COG6: variants seen among roughly 807,000 people sequenced by gnomAD.
The protein encoded by COG6 is component of oligomeric golgi complex 6.
COG6 carries 74 observed loss-of-function variants against 88.8 expected under a neutral mutation model. The ratio of observed to expected loss-of-function variants is 0.83; its 90% CI spans 0.69 to 1.01. COG6 has a LOEUF of 1.01. Ranked by LOEUF, COG6 falls within the 50% of genes least tolerant of loss-of-function variation. COG6 has a pLI of 0.00. For synonymous variants in COG6, 286 were observed against 278.7 expected, an observed-to-expected ratio of 1.03 and a Z score of -0.26; for missense variants, 800 against 797.9, an observed-to-expected ratio of 1.00 and a Z score of -0.03.
At chr13:39,701,184 G>A (rs1877559147) in intron 13 of COG6, among the ~76,000 whole-genome samples, 2 of 151,894 alleles carry the variant, frequency 1.3e-5, no homozygotes, top group South Asian at 4.1e-4. Flanking sequence ...TTCAAAACTT[G>A]ATGACTGAAT....
intron 13 of COG6, among the ~76,000 whole-genome samples, chr13:39,702,962 T>C (rs1390205796): frequency 1.3e-5 from 2 of 152,158 alleles, no homozygotes; most frequent in Non-Finnish European, 2.9e-5. Flanking sequence ...CATCACTATC[T>C]TGCCATTAGC....
intron 4 of COG6, among the ~76,000 whole-genome samples, chr13:39,671,754 G>A (rs1441244070): frequency 6.6e-6 from 1 of 151,712 alleles, no homozygotes; most frequent in Non-Finnish European, 1.5e-5. Flanking sequence ...AAATACTTCA[G>A]CTTATAGGAA....
intron 13 of COG6, among the ~76,000 whole-genome samples, chr13:39,708,086 G>A (rs1450678557): frequency 6.6e-6 from 1 of 152,070 alleles, no homozygotes; most frequent in Non-Finnish European, 1.5e-5. Flanking sequence ...GAAAGTGTGT[G>A]GTGGTATTTC....
At chr13:39,755,396 G>T (rs571276694), downstream of COG6, among the ~76,000 whole-genome samples, 1 of 151,968 alleles carries the variant, frequency 6.6e-6, no homozygotes, top group African/African-American at 2.4e-5. Flanking sequence ...TTAAAAAACC[G>T]GCCTTTATCT....
chr13:39,676,544 G>A (rs1383349232), intron 4 of COG6, among the ~76,000 whole-genome samples: 4 of 152,190 alleles, frequency 2.6e-5, no homozygotes, highest in African/African-American at 7.2e-5. Context: ...TTCAGTAGGA[G>A]CATTAGCATT....
chr13:39,755,988 A>C (rs1309663834), downstream of COG6, among the ~76,000 whole-genome samples: 2 of 152,218 alleles, frequency 1.3e-5, no homozygotes, highest in Non-Finnish European at 2.9e-5. Context: ...AAGAGAATCT[A>C]ATCTGATTTC....
At chr13:39,702,049 T>G (rs536525601) in intron 13 of COG6, among the ~76,000 whole-genome samples, 3 of 152,102 alleles carry the variant, frequency 2.0e-5, no homozygotes. Flanking sequence ...GAATTAAAAC[T>G]TAGAGAGTAC....
At chr13:39,715,730 A>G (rs1878491864) in intron 13 of COG6, among the ~76,000 whole-genome samples, 1 of 152,006 alleles carries the variant, frequency 6.6e-6, no homozygotes, top group African/African-American at 2.4e-5. Flanking sequence ...AGAAAATAAC[A>G]CTCATCTACA....
chr13:39,736,596 C>G (rs149255103), intron 18 of COG6, among the ~76,000 whole-genome samples: 363 of 152,252 alleles, frequency 2.4e-3, no homozygotes, highest in East Asian at 0.011. Flanking sequence ...GAGACTGAGG[C>G]AGGAGAATCG....
intron 15 of COG6, among the ~76,000 whole-genome samples, chr13:39,722,786 A>G (rs749049768): frequency 6.6e-5 from 10 of 152,064 alleles, no homozygotes; most frequent in Non-Finnish European, 1.5e-4. Context: ...GCATCTTCTT[A>G]GGCAGTTCCT....
intron 18 of COG6, among the ~76,000 whole-genome samples, chr13:39,769,219 T>C (rs1233168413): frequency 6.6e-6 from 1 of 152,222 alleles, no homozygotes; most frequent in Non-Finnish European, 1.5e-5. Context: ...GTGTTATGCA[T>C]GAGAATTTCC....
intron 12 of COG6, among the ~76,000 whole-genome samples, chr13:39,697,313 C>T (rs1280268703): frequency 1.3e-5 from 2 of 151,370 alleles, no homozygotes; most frequent in African/African-American, 4.9e-5. Context: ...TGGGAAACTC[C>T]AATATTTTGA....
At chr13:39,766,184 C>T (rs953815992) in intron 18 of COG6, among the ~76,000 whole-genome samples, 4 of 152,192 alleles carry the variant, frequency 2.6e-5, no homozygotes, top group African/African-American at 9.7e-5. Context: ...GTTGGGGACA[C>T]CTTACATGTT....
chr13:39,719,224 C>T lies in COG6; in HGVS notation c.1285-12C>T. ...AAAATATAAGGAGTGGGTAAATCAT[C>T]TCTTGTTTTAGGTTGAACTCCCACC... On this transcript the variant is annotated splice_polypyrimidine_tract_variant and intron_variant, in intron 13 of 18. Transcript: ENST00000455146. 1 of 1,611,570 alleles carries T rather than the reference C, an allele frequency of 6.2e-7. No individual in the cohort carries two copies. The highest frequency in any genetic ancestry group is 8.5e-7 in the Non-Finnish European group (1 of 1,178,284).
At chr13:39,657,979 C>G (rs530780322) in intron 1 of COG6, among the ~76,000 whole-genome samples, 77 of 152,134 alleles carry the variant, frequency 5.1e-4, no homozygotes, top group Non-Finnish European at 8.5e-4. Context: ...TGATTTTTCC[C>G]TAAACTGGTT....
chr13:39,710,041 A>G (rs1339975114), intron 13 of COG6, among the ~76,000 whole-genome samples: 1 of 152,158 alleles, frequency 6.6e-6, no homozygotes, highest in Admixed American at 6.6e-5. Context: ...TTTTTAAAAT[A>G]AAAAAGCTTT....
Position 39,719,229 on chromosome 13 carries a change from G to A in COG6, c.1285-7G>A. The A allele has an allele frequency of 6.2e-7, 1 of 1,611,892 alleles. No homozygotes were observed. The highest frequency in any genetic ancestry group is 8.5e-7 in the Non-Finnish European group (1 of 1,178,548). On this transcript the variant is annotated splice_region_variant and splice_polypyrimidine_tract_variant and intron_variant, in intron 13 of 18. Coordinates refer to ENST00000455146, the MANE Select transcript of COG6 (RefSeq NM_020751.3). The stretch of plus-strand genomic sequence containing the variant: ...ATAAGGAGTGGGTAAATCATCTCTT[G>A]TTTTAGGTTGAACTCCCACCACCTG...
intron 15 of COG6, among the ~76,000 whole-genome samples, chr13:39,720,519 T>C (rs953343161): frequency 1.5e-4 from 23 of 152,092 alleles, no homozygotes; most frequent in African/African-American, 5.1e-4. Flanking sequence ...AGTTTTGATA[T>C]ATCTAAATTC....
chr13:39,689,805 G>T lies in COG6; in HGVS notation c.1055G>T (p.Gly352Val), dbSNP rs796556964. 1 of 1,609,618 alleles carries T rather than the reference G, an allele frequency of 6.2e-7. No homozygotes were observed. The highest frequency in any genetic ancestry group is 1.7e-5 in the Admixed American group (1 of 59,904). ...GAAGTTGTTGGGCATATCACTGAAGGTGTGTGCAGGCCTCTAAAGGTAAAA... is the reference window on the plus strand; with the variant it reads ...GAAGTTGTTGGGCATATCACTGAAGTTGTGTGCAGGCCTCTAAAGGTAAAA... Reference protein sequence around the residue: ...IQEVVGHITEGVCRPLKVRIE... With the variant: ...IQEVVGHITEVVCRPLKVRIE... Residue 352 changes from glycine (G) to valine (V), a missense_variant, in exon 11 of 19, where the codon GGT becomes GTT. Gly to Val is a moderately radical substitution (Grantham distance 109). Transcript: ENST00000455146.
Sources: gnomAD v4.1 joint callset for allele counts (sites outside exome capture counted in the v4.1 genomes callset) on GRCh38, gnomAD v4.1.1 for gene constraint, MANE v1.5 for transcripts, NCBI Gene and HGNC (gene_info 2026-07-23, HGNC 2026-07-21) for gene names.